Variants in NT5M observed in about 807,000 individuals in gnomAD.
The protein encoded by NT5M is 5',3'-nucleotidase, mitochondrial, also known as 5'(3')-deoxyribonucleotidase, mitochondrial.
A neutral mutation model predicts 22.2 loss-of-function variants in NT5M; 22 were observed. The ratio of observed to expected loss-of-function variants is 0.99; its 90% confidence interval spans 0.71 to 1.41. NT5M has a LOEUF of 1.41. Among genes scored for constraint, NT5M ranks in the 40% most tolerant of loss-of-function variants. The pLI, the probability that NT5M is intolerant of heterozygous loss-of-function variation, is 0.00. For missense variants in NT5M, 322 were observed against 314.8 expected, an observed-to-expected ratio of 1.02 and a Z score of -0.17; for synonymous variants, 167 against 133.0, an observed-to-expected ratio of 1.26 and a Z score of -1.76.
intron 2 of NT5M, among the ~76,000 whole-genome samples, chr17:17,307,513 G>GATAA (rs2048829865): frequency 8.0e-6 from 1 of 125,464 alleles, no homozygotes. Flanking sequence ...GCTGAGGCAG[G>GATAA]TGGATTGCCT....
chr17:17,329,504 C>A (rs1305823562), intron 3 of NT5M, among the ~76,000 whole-genome samples: 1 of 152,176 alleles, frequency 6.6e-6, no homozygotes, highest in Non-Finnish European at 1.5e-5. Flanking sequence ...TCAGGTTCTT[C>A]ATGCACAGGC....
At chr17:17,328,269 A>G (rs2049303109) in intron 3 of NT5M, among the ~76,000 whole-genome samples, 1 of 152,184 alleles carries the variant, frequency 6.6e-6, no homozygotes, top group Non-Finnish European at 1.5e-5. Context: ...CAGTGGCTAC[A>G]GGGGCTGATT....
chr17:17,324,991 C>T (rs1384942794), intron 3 of NT5M, among the ~76,000 whole-genome samples: 1 of 152,192 alleles, frequency 6.6e-6, no homozygotes, highest in African/African-American at 2.4e-5. Context: ...AAAGTGAGTC[C>T]TGAGACCAGA....
Position 17,345,483 on chromosome 17 carries a change from C to T in NT5M, c.544+575C>T, listed in dbSNP as rs1179314849. On this transcript the variant is annotated intron_variant, in intron 4 of 4. Transcript: ENST00000389022. ...TGTGAAACCAGCCTGGCCAACATAG[C>T]GAGACTCTCTCTACAAAAAATACAA... Among the ~76,000 whole-genome samples the T allele has an allele frequency of 3.3e-5, 5 of 151,942 alleles. No individual in the cohort carries two copies. In the East Asian group the frequency reaches 7.7e-4, roughly 23 times the overall value.
At position 17,329,653 on chromosome 17, in the gene NT5M, G is replaced by A. The variant is rs185847890; in HGVS notation, c.429+6408G>A. ...TCCAGATGACATGTCTGCCTGATTCGACGTTGATTTTTAGAATAAATGTCA... is the reference window on the plus strand; with the variant it reads ...TCCAGATGACATGTCTGCCTGATTCAACGTTGATTTTTAGAATAAATGTCA... On this transcript the variant is annotated intron_variant, in intron 3 of 4. Transcript: ENST00000389022. Among the ~76,000 whole-genome samples the A allele has an allele frequency of 1.2e-3, 178 of 152,204 alleles. 3 individuals carry two copies. Among genetic ancestry groups the A allele is most frequent in the Admixed American group, 0.011 (162 of 15,268 alleles).
intron 3 of NT5M, among the ~76,000 whole-genome samples, chr17:17,330,014 C>T (rs1218166928): frequency 6.6e-6 from 1 of 151,952 alleles, no homozygotes; most frequent in African/African-American, 2.4e-5. Context: ...CAAAAACCTA[C>T]TCCTGGCTGG....
chr17:17,346,688 A>T, intron 4 of NT5M, 117 bp from the exon 5 acceptor site: 1 of 1,274,752 alleles, frequency 7.8e-7, no homozygotes, highest in Non-Finnish European at 1.1e-6. Flanking sequence ...TCACCCCTTT[A>T]CAGAGGAAAC....
chr17:17,344,840 T>C lies in NT5M; in HGVS notation c.476T>C (p.Ile159Thr). 1.9e-6 allele frequency: 3 copies of C among 1,614,210 alleles called. No homozygotes were observed. The highest frequency in any genetic ancestry group is 2.5e-6 in the Non-Finnish European group (3 of 1,180,016). Residue 159 changes from isoleucine (I) to threonine (T), a missense_variant, in exon 4 of 5, where the codon ATT (isoleucine) becomes ACT (threonine). By Grantham distance (89) the Ile-to-Thr change is moderately conservative. Transcript: ENST00000389022. ...KYFGPDFLEQ[I>T]VLTRDKTVVS... ...TTTGGCCCTGACTTTCTGGAGCAGATTGTGCTGACCAGAGACAAGACCGTG... is the reference window on the plus strand; with the variant it reads ...TTTGGCCCTGACTTTCTGGAGCAGACTGTGCTGACCAGAGACAAGACCGTG...
chr17:17,315,744 GTTTTTTTGTTTTTTTT>G lies in NT5M; in HGVS notation c.369-7433_369-7418del, dbSNP rs1480272506. On this transcript the variant is annotated intron_variant, in intron 2 of 4. Transcript: ENST00000389022. ...AGAGATTGATGTGATCTAACTTAGGGTTTTTTTGTTTTTTTTTTTTTTTTTTTTTTGAGACAGCCTC... is the reference window on the plus strand; with the variant it reads ...AGAGATTGATGTGATCTAACTTAGGGTTTTTTTTTTTTTTGAGACAGCCTC... Among the ~76,000 whole-genome samples, 62 of 67,718 alleles carry G rather than the reference GTTTTTTTGTTTTTTTT, an allele frequency of 9.2e-4. 2 individuals carry two copies. The highest frequency in any genetic ancestry group is 3.6e-3 in the African/African-American group (55 of 15,470). The allele number at this position is 67,718 out of a possible 152,430, so 44.4% of individuals were successfully genotyped here.
At chr17:17,309,353 A>AG (rs1323806085) in intron 2 of NT5M, among the ~76,000 whole-genome samples, 1 of 152,066 alleles carries the variant, frequency 6.6e-6, no homozygotes, top group African/African-American at 2.4e-5. Flanking sequence ...TCAAACTCCT[A>AG]GGCTCAAGCA....
intron 3 of NT5M, among the ~76,000 whole-genome samples, chr17:17,327,749 C>T (rs1471489581): frequency 9.4e-6 from 1 of 106,192 alleles, no homozygotes; most frequent in Admixed American, 9.8e-5. Flanking sequence ...AACTCCTGAC[C>T]TTGTGATCCA....
At chr17:17,315,874 C>T (rs1449117199) in intron 2 of NT5M, among the ~76,000 whole-genome samples, 2 of 151,104 alleles carry the variant, frequency 1.3e-5, no homozygotes, top group East Asian at 3.9e-4. Flanking sequence ...GCCTCAGCCT[C>T]CCAAGTAGCT....
Position 17,303,790 on chromosome 17 carries a change from G to A in NT5M, c.240G>A (p.Gln80=). Residue 80 remains glutamine (Q), a synonymous_variant, in exon 1 of 5, where the codon CAG becomes CAA. Coordinates refer to ENST00000389022, the MANE Select transcript of NT5M (RefSeq NM_020201.4). ...GGCGCGGCTTCTGGGTGTCGGAGCAGTACGGCCGCCTGCGGCCAGGGCTGA... is the reference window on the plus strand; with the variant it reads ...GGCGCGGCTTCTGGGTGTCGGAGCAATACGGCCGCCTGCGGCCAGGGCTGA... ...EDRRGFWVSE[Q]YGRLRPGLSE... is the part of the protein sequence containing the mutation. 2 of 1,560,946 alleles carry A rather than the reference G, an allele frequency of 1.3e-6. No individual in the cohort carries two copies. Among genetic ancestry groups the A allele is most frequent in the Non-Finnish European group, 1.7e-6 (2 of 1,153,358 alleles).
chr17:17,338,832 T>G (rs1459197334), intron 3 of NT5M, among the ~76,000 whole-genome samples: 1 of 151,172 alleles, frequency 6.6e-6, no homozygotes, highest in Non-Finnish European at 1.5e-5. Flanking sequence ...GTTCACACCG[T>G]TCTCCTGCCT....
chr17:17,305,845 G>C (rs1019264682), intron 1 of NT5M, among the ~76,000 whole-genome samples: 1 of 152,098 alleles, frequency 6.6e-6, no homozygotes, highest in Non-Finnish European at 1.5e-5. Context: ...GGTTGGTGTT[G>C]GGGGTTCTTC....
chr17:17,303,842 G>C (rs1483309295), intron 1 of NT5M, 25 bp downstream of exon 1: 2 of 1,367,080 alleles, frequency 1.5e-6, no homozygotes. Flanking sequence ...CCCGCCCCGC[G>C]CCGGGCCTCC....
At chr17:17,311,317 C>T (rs993325556) in intron 2 of NT5M, among the ~76,000 whole-genome samples, 17 of 146,148 alleles carry the variant, frequency 1.2e-4, no homozygotes, top group African/African-American at 1.8e-4. Context: ...CAGCCTGGGC[C>T]GACAGAGTGA....
intron 2 of NT5M, among the ~76,000 whole-genome samples, chr17:17,318,330 A>G (rs1430542302): frequency 1.3e-5 from 2 of 151,624 alleles, no homozygotes; most frequent in Non-Finnish European, 2.9e-5. Flanking sequence ...TACAAAAAGA[A>G]TTAGCCAGGC....
chr17:17,323,088 A>C lies in NT5M; in HGVS notation c.369-97A>C, dbSNP rs1341902001. 6 of 945,880 alleles carry C rather than the reference A, an allele frequency of 6.3e-6. No individual in the cohort carries two copies. The East Asian group carries it at 1.4e-4, about 23-fold the overall frequency. 58.6% of individuals were successfully genotyped at this position (945,880 alleles called of 1,614,324 possible). On this transcript the variant is annotated intron_variant, in intron 2 of 4. Coordinates refer to ENST00000389022, the MANE Select transcript of NT5M (RefSeq NM_020201.4). ...CACAGCAGGGGAAGGGTTCAGACTCAGAGGGTCCAGCCCTGTGAAGGCAGG... is the reference window on the plus strand; with the variant it reads ...CACAGCAGGGGAAGGGTTCAGACTCCGAGGGTCCAGCCCTGTGAAGGCAGG...
Sources: gnomAD v4.1 joint callset for allele counts (sites outside exome capture counted in the v4.1 genomes callset) on GRCh38, gnomAD v4.1.1 for gene constraint, MANE v1.5 for transcripts, NCBI Gene and HGNC (gene_info 2026-07-23, HGNC 2026-07-21) for gene names.